PCARE: variants seen among roughly 807,000 people sequenced by gnomAD.
The protein encoded by PCARE is uncharacterized protein C2orf71.
A neutral mutation model predicts 82.2 loss-of-function variants in PCARE; 72 were observed. The observed-to-expected ratio is 0.88, with a 90% CI of 0.72 to 1.07. PCARE has a LOEUF of 1.07. PCARE is among the 50% of genes least tolerant of loss of function. The pLI is 0.00. For missense variants in PCARE, 1,768 were observed against 1,592.4 expected (o/e 1.11, Z -1.88); for synonymous variants, 705 against 634.8 (o/e 1.11, Z -1.66).
chr2:29,073,329 C>T lies in PCARE; in HGVS notation c.933G>A (p.Leu311=). ...GTTCATCCACATTCCTTTTTGTGCT[C>T]AGCTTATTTTCCAAGTGGGTTGCAG... ...HSTATHLENK[L]STKRNVDERL... Residue 311 remains leucine, a synonymous_variant, in exon 1 of 2, where the codon CTG becomes CTA. Coordinates refer to ENST00000331664, the MANE Select transcript of PCARE (RefSeq NM_001029883.3). 6.2e-7 allele frequency: 1 copy of T among 1,614,128 alleles called. No individual in the cohort carries two copies. Among genetic ancestry groups the T allele is most frequent in the East Asian group, 2.2e-5 (1 of 44,892 alleles).
Position 29,072,247 on chromosome 2 carries a change from T to G in PCARE, c.2015A>C (p.Lys672Thr), listed in dbSNP as rs770513771. 1 of 1,614,246 alleles carries G rather than the reference T, an allele frequency of 6.2e-7. No homozygotes were observed. The highest frequency in any genetic ancestry group is 1.1e-5 in the South Asian group (1 of 91,084). The change falls in exon 1 of 2, where the codon AAG becomes ACG. Residue 672 changes from lysine (K) to threonine (T), a missense_variant. By Grantham distance (78) the Lys-to-Thr change is moderately conservative. Coordinates refer to ENST00000331664, the MANE Select transcript of PCARE (RefSeq NM_001029883.3). Reference sequence around the variant, plus strand: ...CTGACTAGGCAAAATACTGAAGTTCTTGGTGAGGGATGCCTTGAGCCTGCT... The same window carrying G: ...CTGACTAGGCAAAATACTGAAGTTCGTGGTGAGGGATGCCTTGAGCCTGCT... The part of the protein sequence containing the change: ...TTSRLKASLT[K>T]NFSILPSQDK...
rs2148415109 is a variant in PCARE, at chr2:29,071,147, G to A, written c.3115C>T (p.Leu1039=). Residue 1039 remains leucine, a synonymous_variant, in exon 1 of 2, where the codon CTA becomes TTA. Transcript: ENST00000331664. ...PPSPPVSPRV[L]SPPTTKRRTS... Reference sequence around the variant, plus strand: ...CGCCGCTTTGTGGTGGGTGGGCTTAGCACCCTGGGGCTCACAGGTGGGCTG... The same window carrying A: ...CGCCGCTTTGTGGTGGGTGGGCTTAACACCCTGGGGCTCACAGGTGGGCTG... The A allele has an allele frequency of 6.3e-7, 1 of 1,580,668 alleles. No homozygotes were observed. The highest frequency in any genetic ancestry group is 8.6e-7 in the Non-Finnish European group (1 of 1,163,472).
At chr2:29,066,016 T>C (rs7582517) in intron 1 of PCARE, among the ~76,000 whole-genome samples, 132,030 of 152,092 alleles carry the variant, frequency 0.87, 57,361 homozygotes, top group Admixed American at 0.91. Flanking sequence ...GGCATAGTGG[T>C]GGACACCTGT....
In PCARE at chr2:29,074,339, T is replaced by G. The variant is rs1225877182; in HGVS notation, c.-78A>C. 9 of 1,449,882 alleles carry G rather than the reference T, an allele frequency of 6.2e-6. No individual in the cohort carries two copies. Among genetic ancestry groups the G allele is most frequent in the Non-Finnish European group, 8.3e-6 (9 of 1,085,518 alleles). 89.8% of individuals were successfully genotyped at this position (1,449,882 alleles called of 1,614,324 possible). On this transcript the variant is annotated 5_prime_UTR_variant, in exon 1 of 2. Transcript: ENST00000331664. ...TATTTGAAATAGGAACAAAAGGCAA[T>G]CTTACTAGTCCATCCAGGCAATTTT...
chr2:29,064,697 C>T lies in PCARE; in HGVS notation c.*172G>A, dbSNP rs1018612285. The T allele has an allele frequency of 2.9e-5, 23 of 792,884 alleles. No homozygotes were observed. Among genetic ancestry groups the T allele is most frequent in the African/African-American group, 6.8e-5 (4 of 58,578 alleles). 49.1% of individuals were successfully genotyped at this position (792,884 alleles called of 1,614,324 possible). On this transcript the variant is annotated 3_prime_UTR_variant, in exon 2 of 2. Coordinates refer to ENST00000331664, the MANE Select transcript of PCARE (RefSeq NM_001029883.3). ...GCAGAGCAAGATCTGGGACTGAAAA[C>T]GGCGATTGTTTAAAATTCAGCAGAC...
Position 29,072,803 on chromosome 2 carries a change from T to C in PCARE, c.1459A>G (p.Ser487Gly). 3 of 1,614,194 alleles carry C rather than the reference T, an allele frequency of 1.9e-6. No individual in the cohort carries two copies. Among genetic ancestry groups the C allele is most frequent in the Non-Finnish European group, 2.5e-6 (3 of 1,180,028 alleles). The part of the protein sequence containing the change: ...DASSLSDSED[S>G]SPEEEEEDKM... ...TCTTCCTCCTCCTCCTCTGGGCTGC[T>C]GTCCTCGCTGTCACTAAGAGATGAA... The change falls in exon 1 of 2, where the codon AGC (serine) becomes GGC (glycine). Residue 487 changes from serine to glycine, a missense_variant. Ser to Gly is a moderately conservative substitution (Grantham distance 56). Transcript: ENST00000331664.
At position 29,072,318 on chromosome 2, in the gene PCARE, G is replaced by C. The variant is rs746635522; in HGVS notation, c.1944C>G (p.Ala648=). The C allele has an allele frequency of 4.3e-6, 7 of 1,614,054 alleles. No homozygotes were observed. The African/African-American group carries it at 9.3e-5, about 22-fold the overall frequency. The change falls in exon 1 of 2, where the codon GCC becomes GCG. Residue 648 remains alanine (A), a synonymous_variant. Transcript: ENST00000331664. The part of the protein sequence containing the change: ...QEQILQPRAA[A]VWPNGTCRVS... ...CCCTGCAGGTGCCATTGGGCCACAC[G>C]GCGGCTGCTCTGGGCTGCAGAATTT...
In PCARE at chr2:29,073,435, C is replaced by A; in HGVS notation, c.827G>T (p.Ser276Ile). The change falls in exon 1 of 2, where the codon AGC (serine) becomes ATC (isoleucine). Residue 276 changes from serine to isoleucine, a missense_variant. Transcript: ENST00000331664. ...LLQQLLQYTV[S>I]KLQVLNGTVA... is the part of the protein sequence containing the mutation. ...TGTGCCATTGAGCACCTGCAGCTTGCTGACTGTGTACTGTAGCAGCTGTTG... is the reference window on the plus strand; with the variant it reads ...TGTGCCATTGAGCACCTGCAGCTTGATGACTGTGTACTGTAGCAGCTGTTG... The A allele has an allele frequency of 4.3e-6, 7 of 1,614,122 alleles. No homozygotes were observed. Among genetic ancestry groups the A allele is most frequent in the Non-Finnish European group, 5.1e-6 (6 of 1,180,044 alleles).
chr2:29,072,507 CCTG>C lies in PCARE; in HGVS notation c.1752_1754del (p.Ser584del). On this transcript the variant is annotated inframe_deletion, in exon 1 of 2. Coordinates refer to ENST00000331664, the MANE Select transcript of PCARE (RefSeq NM_001029883.3). ...ACCTCGTCTGCCTCTCAGGGGCCCT[CCTG>C]CTGCCACTTACCGTGCTAGGTCTTG... The C allele has an allele frequency of 6.2e-7, 1 of 1,614,240 alleles. No homozygotes were observed. Among genetic ancestry groups the C allele is most frequent in the South Asian group, 1.1e-5 (1 of 91,082 alleles).
Position 29,073,250 on chromosome 2 carries a change from G to A in PCARE, c.1012C>T (p.Pro338Ser). The change falls in exon 1 of 2, where the codon CCT (proline) becomes TCT (serine). Residue 338 changes from proline to serine, a missense_variant. Pro to Ser is a moderately conservative substitution (Grantham distance 74, BLOSUM62 -1). Coordinates refer to ENST00000331664, the MANE Select transcript of PCARE (RefSeq NM_001029883.3). ...LESLASGCGDPGVQGLPLCSE... is the reference protein window; with the variant it reads ...LESLASGCGDSGVQGLPLCSE... Reference sequence around the variant, plus strand: ...CATAAGGGGAGACCCTGCACCCCAGGGTCGCCACAGCCACTCGCCAGGCTC... The same window carrying A: ...CATAAGGGGAGACCCTGCACCCCAGAGTCGCCACAGCCACTCGCCAGGCTC... 6.2e-7 allele frequency: 1 copy of A among 1,613,928 alleles called. No individual in the cohort carries two copies. The highest frequency in any genetic ancestry group is 8.5e-7 in the Non-Finnish European group (1 of 1,179,892).
chr2:29,070,667 G>C lies in PCARE; in HGVS notation c.3595C>G (p.Pro1199Ala). Residue 1199 changes from proline (P) to alanine (A), a missense_variant, in exon 1 of 2, where the codon CCA (proline) becomes GCA (alanine). Pro to Ala is a conservative substitution (Grantham distance 27). Coordinates refer to ENST00000331664, the MANE Select transcript of PCARE (RefSeq NM_001029883.3). The stretch of plus-strand genomic sequence containing the variant: ...GTGGGAGGCTGCGGTCGGCCACCTG[G>C]CTGGCGGTCAGAAGCTGTCCTCCTG... The part of the protein sequence containing the change: ...FLRRTASDRQ[P>A]GGRPQPPTLD... 6.2e-7 allele frequency: 1 copy of C among 1,614,166 alleles called. No homozygotes were observed. Among genetic ancestry groups the C allele is most frequent in the Non-Finnish European group, 8.5e-7 (1 of 1,180,022 alleles).
chr2:29,069,188 T>C (rs56060818), intron 1 of PCARE, among the ~76,000 whole-genome samples: 32,751 of 152,152 alleles, frequency 0.22, 3,946 homozygotes, highest in East Asian at 0.36. Context: ...GCTACTCTTC[T>C]CCCTAAATTT....
chr2:29,074,048 T>A lies in PCARE; in HGVS notation c.214A>T (p.Lys72Ter). 6.2e-7 allele frequency: 1 copy of A among 1,614,226 alleles called. No individual in the cohort carries two copies. Among genetic ancestry groups the A allele is most frequent in the Non-Finnish European group, 8.5e-7 (1 of 1,180,034 alleles). ...PSPRRNQTTA[K>*]GLCQLMGDPA... Reference sequence around the variant, plus strand: ...TCTCCCATGAGCTGACAAAGACCTTTAGCTGTGGTTTGGTTCCTCCTGGGA... The same window carrying A: ...TCTCCCATGAGCTGACAAAGACCTTAAGCTGTGGTTTGGTTCCTCCTGGGA... Residue 72 changes from lysine (K) to a stop codon, truncating the protein, a stop_gained, in exon 1 of 2, where the codon AAA becomes TAA. Coordinates refer to ENST00000331664, the MANE Select transcript of PCARE (RefSeq NM_001029883.3). LOFTEE classifies it high-confidence loss of function.
rs75276619 is a variant in PCARE, at chr2:29,072,320, C to T, written c.1942G>A (p.Ala648Thr). ...CTGCAGGTGCCATTGGGCCACACGG[C>T]GGCTGCTCTGGGCTGCAGAATTTGC... ...QEQILQPRAA[A>T]VWPNGTCRVS... The change falls in exon 1 of 2, where the codon GCC becomes ACC. Residue 648 changes from alanine (A) to threonine (T), a missense_variant. Ala to Thr is a moderately conservative substitution (Grantham distance 58). Transcript: ENST00000331664. The T allele has an allele frequency of 0.013, 21,284 of 1,614,144 alleles. 193 individuals carry two copies. The highest frequency in any genetic ancestry group is 0.015 in the Non-Finnish European group (17,925 of 1,180,038).
At position 29,072,071 on chromosome 2, in the gene PCARE, C is replaced by T. The variant is rs201790782; in HGVS notation, c.2191G>A (p.Val731Ile). The T allele has an allele frequency of 2.8e-4, 460 of 1,614,218 alleles. 2 individuals are homozygous for T. The highest frequency in any genetic ancestry group is 2.3e-3 in the South Asian group (206 of 91,078). ...NVRGCPTRTS[V>I]KKLIETFSPT... is the part of the protein sequence containing the mutation. ...CTGAAAGTTTCAATAAGCTTCTTGACGGATGTTCTGGTGGGACAGCCTCTG... is the reference window on the plus strand; with the variant it reads ...CTGAAAGTTTCAATAAGCTTCTTGATGGATGTTCTGGTGGGACAGCCTCTG... Residue 731 changes from valine (V) to isoleucine (I), a missense_variant, in exon 1 of 2, where the codon GTC becomes ATC. Val to Ile is a conservative substitution (Grantham distance 29, BLOSUM62 3). Coordinates refer to ENST00000331664, the MANE Select transcript of PCARE (RefSeq NM_001029883.3).
chr2:29,071,896 C>T lies in PCARE; in HGVS notation c.2366G>A (p.Arg789Lys). The T allele has an allele frequency of 1.2e-6, 2 of 1,614,248 alleles. No homozygotes were observed. Among genetic ancestry groups the T allele is most frequent in the Non-Finnish European group, 1.7e-6 (2 of 1,180,032 alleles). Residue 789 changes from arginine (R) to lysine (K), a missense_variant, in exon 1 of 2, where the codon AGA (arginine) becomes AAA (lysine). Coordinates refer to ENST00000331664, the MANE Select transcript of PCARE (RefSeq NM_001029883.3). ...PKPQISPASG[R>K]ESLKMGIGWK... ...GCCTATGCCCATTTTGAGAGATTCTCTGCCTGATGCTGGAGAAATTTGGGG... is the reference window on the plus strand; with the variant it reads ...GCCTATGCCCATTTTGAGAGATTCTTTGCCTGATGCTGGAGAAATTTGGGG...
Position 29,073,298 on chromosome 2 carries a change from G to A in PCARE, c.964C>T (p.Leu322=). 6.2e-7 allele frequency: 1 copy of A among 1,614,164 alleles called. No individual in the cohort carries two copies. Among genetic ancestry groups the A allele is most frequent in the South Asian group, 1.1e-5 (1 of 91,080 alleles). ...STKRNVDERL[L]RALRQLESLA... is the part of the protein sequence containing the mutation. ...CTCTCTAGCTGCCTCAGAGCCCTCA[G>A]GAGGCGTTCATCCACATTCCTTTTT... The change falls in exon 1 of 2, where the codon CTG becomes TTG. Residue 322 remains leucine, a synonymous_variant. Coordinates refer to ENST00000331664, the MANE Select transcript of PCARE (RefSeq NM_001029883.3).
At position 29,073,484 on chromosome 2, in the gene PCARE, G is replaced by A. The variant is rs1667531185; in HGVS notation, c.778C>T (p.Pro260Ser). The change falls in exon 1 of 2, where the codon CCC becomes TCC. Residue 260 changes from proline to serine, a missense_variant. Pro to Ser is a moderately conservative substitution (Grantham distance 74, BLOSUM62 -1). Transcript: ENST00000331664. Reference sequence around the variant, plus strand: ...TGCAGGAGATTTGGCTGCTCCTGGGGCTCTCTTTTCTTCAAAGGCCAAGCC... The same window carrying A: ...TGCAGGAGATTTGGCTGCTCCTGGGACTCTCTTTTCTTCAAAGGCCAAGCC... ...DLAWPLKKRE[P>S]QEQPNLLQQL... 6.2e-6 allele frequency: 10 copies of A among 1,614,110 alleles called. No homozygotes were observed. The East Asian group carries it at 6.7e-5, about 11-fold the overall frequency.
chr2:29,065,898 G>A (rs927832774), intron 1 of PCARE, among the ~76,000 whole-genome samples: 1 of 152,192 alleles, frequency 6.6e-6, no homozygotes, highest in African/African-American at 2.4e-5. Flanking sequence ...TGTAATCCCA[G>A]CACTTTGAGA....
Sources: gnomAD v4.1 joint callset for allele counts (sites outside exome capture counted in the v4.1 genomes callset) on GRCh38, gnomAD v4.1.1 for gene constraint, MANE v1.5 for transcripts, NCBI Gene and HGNC (gene_info 2026-07-23, HGNC 2026-07-21) for gene names.